CAST: variants seen among roughly 807,000 people sequenced by gnomAD.
The protein encoded by CAST is calpastatin.
Under a neutral mutation model 119.6 loss-of-function variants are expected in CAST, and 76 were observed. The ratio of observed to expected loss-of-function variants is 0.64; its 90% CI spans 0.53 to 0.77. The LOEUF (loss-of-function observed/expected upper bound fraction) is 0.77. CAST is among the 30% of genes least tolerant of loss of function. CAST has a pLI of 0.00. For missense variants in CAST, 953 were observed against 946.5 expected, an observed-to-expected ratio of 1.01 and a Z score of -0.09; for synonymous variants, 319 against 331.6, an observed-to-expected ratio of 0.96 and a Z score of 0.41.
chr5:96,699,209 T>A (rs1041930650), intron 3 of CAST, among the ~76,000 whole-genome samples: 1 of 152,218 alleles, frequency 6.6e-6, no homozygotes, highest in Non-Finnish European at 1.5e-5. Flanking sequence ...AGTCATGCAA[T>A]TTTATTTCTG....
chr5:96,513,946 A>G, the CAST span, among the ~76,000 whole-genome samples: 1 of 152,126 alleles, frequency 6.6e-6, no homozygotes, highest in Non-Finnish European at 1.5e-5. Flanking sequence ...AATCCTTGCC[A>G]TTCCTTGGTT....
At chr5:96,163,300 A>G in the CAST span, among the ~76,000 whole-genome samples, 1 of 152,102 alleles carries the variant, frequency 6.6e-6, no homozygotes, top group Non-Finnish European at 1.5e-5. Flanking sequence ...GTCCAGCTAA[A>G]GTTTTCCTGT....
chr5:96,062,984 G>A, the CAST span, among the ~76,000 whole-genome samples: 1 of 152,148 alleles, frequency 6.6e-6, no homozygotes, highest in Non-Finnish European at 1.5e-5. Flanking sequence ...TTGTGGTCTT[G>A]ACACCAGCTG....
chr5:96,000,299 T>A, the CAST span, among the ~76,000 whole-genome samples: 90 of 152,334 alleles, frequency 5.9e-4, no homozygotes, highest in Middle Eastern at 6.8e-3. Context: ...AACATGTTTT[T>A]AGTTTCATAT....
chr5:96,408,317 C>T, the CAST span: 7 of 1,613,084 alleles, frequency 4.3e-6, no homozygotes, highest in South Asian at 5.5e-5. Flanking sequence ...TGCAGGTCAG[C>T]GCTCGTCTGG....
At chr5:96,524,784 C>G (rs1294500565), upstream of CAST, among the ~76,000 whole-genome samples, 4 of 152,184 alleles carry the variant, frequency 2.6e-5, no homozygotes, top group Admixed American at 2.6e-4. Context: ...CCACCACAGG[C>G]AGACAGAAGC....
the CAST span, among the ~76,000 whole-genome samples, chr5:96,411,348 A>G: frequency 2.6e-5 from 4 of 152,320 alleles, no homozygotes; most frequent in African/African-American, 7.2e-5. Context: ...TTCTGCTTCA[A>G]TCTTCTGGCT....
chr5:96,211,090 T>C, the CAST span, among the ~76,000 whole-genome samples: 14 of 152,116 alleles, frequency 9.2e-5, no homozygotes, highest in African/African-American at 3.4e-4. Context: ...AACTTTTGTG[T>C]AGGCAATTAT....
At chr5:96,436,175 T>C in the CAST span, among the ~76,000 whole-genome samples, 2 of 152,212 alleles carry the variant, frequency 1.3e-5, no homozygotes, top group African/African-American at 2.4e-5. Flanking sequence ...TAGTCTGTAA[T>C]TAAACTAGAA....
chr5:96,178,234 G>T, the CAST span, among the ~76,000 whole-genome samples: 1 of 152,084 alleles, frequency 6.6e-6, no homozygotes, highest in Non-Finnish European at 1.5e-5. Context: ...TAAAATTGCA[G>T]GGGAATCTGC....
chr5:96,268,282 G>T, the CAST span, among the ~76,000 whole-genome samples: 1 of 152,112 alleles, frequency 6.6e-6, no homozygotes, highest in East Asian at 1.9e-4. Context: ...CAACTAAAAG[G>T]CACAGAGGAC....
chr5:96,043,273 C>T, the CAST span, among the ~76,000 whole-genome samples: 2 of 152,224 alleles, frequency 1.3e-5, no homozygotes, highest in Non-Finnish European at 2.9e-5. Flanking sequence ...TTGAATAAGA[C>T]GTCCATTTGT....
At chr5:96,569,475 G>A (rs914223778) in intron 1 of CAST, among the ~76,000 whole-genome samples, 20 of 152,134 alleles carry the variant, frequency 1.3e-4, no homozygotes, top group Non-Finnish European at 2.4e-4. Flanking sequence ...ATCCTATGCC[G>A]CTGTTCTTAT....
chr5:96,446,080 C>T, the CAST span, among the ~76,000 whole-genome samples: 1 of 151,656 alleles, frequency 6.6e-6, no homozygotes, highest in Non-Finnish European at 1.5e-5. Context: ...AACTCCTCAG[C>T]TCAAGCTCAG....
At chr5:96,041,732 T>C in the CAST span, among the ~76,000 whole-genome samples, 1 of 152,168 alleles carries the variant, frequency 6.6e-6, no homozygotes, top group Non-Finnish European at 1.5e-5. Flanking sequence ...TTAGAAAAGA[T>C]AGTCATAGGG....
upstream of CAST, among the ~76,000 whole-genome samples, chr5:96,520,303 G>A (rs1745493961): frequency 6.6e-6 from 1 of 152,216 alleles, no homozygotes; most frequent in Admixed American, 6.5e-5. Flanking sequence ...ATGTCCGAGG[G>A]TGGGAGGGAG....
In CAST at chr5:96,765,291, C is replaced by A; in HGVS notation, c.2003C>A (p.Pro668Gln). 1.9e-6 allele frequency: 3 copies of A among 1,557,252 alleles called. No homozygotes were observed. Among genetic ancestry groups the A allele is most frequent in the African/African-American group, 1.4e-5 (1 of 69,072 alleles). Residue 668 changes from proline (P) to glutamine (Q), a missense_variant, in exon 26 of 32, where the codon CCA (proline) becomes CAA (glutamine). By Grantham distance (76) the Pro-to-Gln change is moderately conservative (BLOSUM62 -1). Coordinates refer to ENST00000675179, the MANE Select transcript of CAST (RefSeq NM_001750.7). The part of the protein sequence containing the change: ...SDSLGQRQPD[P>Q]DENKPMEDKV... ...AGTCTAGGACAAAGGCAGCCTGACC[C>A]AGATGAGAACAAACCAATGGAAGAT...
At chr5:96,043,336 A>G in the CAST span, among the ~76,000 whole-genome samples, 1 of 152,200 alleles carries the variant, frequency 6.6e-6, no homozygotes, top group Middle Eastern at 3.2e-3. Context: ...GGGACATCAA[A>G]TTGAAATTAT....
chr5:96,451,007 A>G, the CAST span, among the ~76,000 whole-genome samples: 1 of 152,244 alleles, frequency 6.6e-6, no homozygotes, highest in Non-Finnish European at 1.5e-5. Context: ...CTGCTTCTAC[A>G]GAATCTTCAT....
Sources: allele counts gnomAD v4.1 joint callset (sites outside exome capture counted in the v4.1 genomes callset), GRCh38; gene constraint gnomAD v4.1.1; transcripts MANE v1.5; gene names NCBI Gene and HGNC (gene_info 2026-07-23, HGNC 2026-07-21).